TRIM24: variants seen among roughly 807,000 people sequenced by gnomAD.
TRIM24 encodes the protein transcription intermediary factor 1-alpha.
A neutral mutation model predicts 123.9 loss-of-function variants in TRIM24; 29 were observed. The observed-to-expected ratio is 0.23, with a 90% CI of 0.17 to 0.32. TRIM24 has a LOEUF of 0.32. TRIM24 is among the 10% of genes least tolerant of loss of function. The pLI is 1.00. For missense variants in TRIM24, 932 were observed against 1,295.3 expected (o/e 0.72, Z 4.31); for synonymous variants, 456 against 461.1 (o/e 0.99, Z 0.14).
intron 1 of TRIM24, among the ~76,000 whole-genome samples, chr7:138,503,625 G>GT (rs35048476): frequency 3.9e-3 from 531 of 135,676 alleles, no homozygotes; most frequent in East Asian, 0.024. Flanking sequence ...TTATATTAGA[G>GT]TTTTTTTTTT....
At chr7:138,516,527 G>T (rs558221042) in intron 3 of TRIM24, among the ~76,000 whole-genome samples, 1 of 152,170 alleles carries the variant, frequency 6.6e-6, no homozygotes, top group African/African-American at 2.4e-5. Flanking sequence ...GCTGAATTTT[G>T]TATTTTTAGT....
Position 138,585,059 on chromosome 7 carries a change from A to G in TRIM24, c.*108A>G, listed in dbSNP as rs1227245442. ...AAAAGAAGAGTTTGTGACTATTCTC[A>G]TCTCTGTTTTGGACGTTTACTAGAC... On this transcript the variant is annotated 3_prime_UTR_variant, in exon 19 of 19. Coordinates refer to ENST00000343526, the MANE Select transcript of TRIM24 (RefSeq NM_015905.3). The G allele has an allele frequency of 4.1e-6, 4 of 966,820 alleles. No individual in the cohort carries two copies. Among genetic ancestry groups the G allele is most frequent in the Non-Finnish European group, 4.5e-6 (3 of 668,084 alleles). The allele number at this position is 966,820 out of a possible 1,614,324, so 59.9% of individuals were successfully genotyped here. A position where few individuals can be genotyped will look rare whatever the true frequency, so the allele number is the denominator to read the frequency against.
At chr7:138,581,852 C>A in intron 17 of TRIM24, 81 bp downstream of exon 17, 1 of 1,083,158 alleles carries the variant, frequency 9.2e-7, no homozygotes, top group South Asian at 1.4e-5. Context: ...CTTATATTAC[C>A]ATTTTTCAGT....
At chr7:138,532,058 G>T (rs1286075814) in intron 6 of TRIM24, among the ~76,000 whole-genome samples, 2 of 151,814 alleles carry the variant, frequency 1.3e-5, no homozygotes, top group African/African-American at 4.8e-5. Context: ...TTTTTGATGG[G>T]GTTGTTTGTT....
chr7:138,477,983 T>G (rs1261979445), intron 1 of TRIM24, among the ~76,000 whole-genome samples: 1 of 152,228 alleles, frequency 6.6e-6, no homozygotes, highest in Non-Finnish European at 1.5e-5. Context: ...ACTAAGCAGA[T>G]TTTTAAAATG....
intron 9 of TRIM24, among the ~76,000 whole-genome samples, chr7:138,557,074 G>A (rs1797329552): frequency 6.6e-6 from 1 of 152,196 alleles, no homozygotes; most frequent in South Asian, 2.1e-4. Context: ...TGGAAATTGA[G>A]TAATGGTAAG....
At chr7:138,543,863 C>T (rs978460278) in intron 7 of TRIM24, among the ~76,000 whole-genome samples, 11 of 152,056 alleles carry the variant, frequency 7.2e-5, no homozygotes, top group Non-Finnish European at 1.6e-4. Context: ...GAAACAGGGT[C>T]TCCCTCTATC....
At chr7:138,539,088 A>G (rs1745862068) in intron 7 of TRIM24, among the ~76,000 whole-genome samples, 1 of 152,196 alleles carries the variant, frequency 6.6e-6, no homozygotes, top group African/African-American at 2.4e-5. Context: ...TTTTCTGATT[A>G]TCTATAGTGT....
Position 138,567,599 on chromosome 7 carries a change from C to T in TRIM24, c.1649C>T (p.Ala550Val). 1 of 1,613,768 alleles carries T rather than the reference C, an allele frequency of 6.2e-7. No homozygotes were observed. Among genetic ancestry groups the T allele is most frequent in the South Asian group, 1.1e-5 (1 of 91,044 alleles). The change falls in exon 10 of 19, where the codon GCA becomes GTA. Residue 550 changes from alanine (A) to valine (V), a missense_variant. By Grantham distance (64) the Ala-to-Val change is moderately conservative. Around this residue, in one of 7 missense-constraint regions of TRIM24, gnomAD observed 527 missense variants for 691.3 expected, o/e 0.76. Coordinates refer to ENST00000343526, the MANE Select transcript of TRIM24 (RefSeq NM_015905.3). ...CCAAACCAGAACATACCACGACAAG[C>T]AATAAAGCCAAACCCCCTACAGATG... Reference protein sequence around the residue: ...YPPNQNIPRQAIKPNPLQMAF... With the variant: ...YPPNQNIPRQVIKPNPLQMAF...
At chr7:138,520,242 G>A (rs1449804034) in intron 4 of TRIM24, among the ~76,000 whole-genome samples, 1 of 152,186 alleles carries the variant, frequency 6.6e-6, no homozygotes, top group Admixed American at 6.5e-5. Flanking sequence ...CTTGTCTTGA[G>A]TTGGGACCCT....
intron 9 of TRIM24, among the ~76,000 whole-genome samples, chr7:138,566,470 C>T (rs765881117): frequency 5.9e-5 from 9 of 151,978 alleles, no homozygotes; most frequent in South Asian, 2.1e-4. Context: ...GAGCCAAGAT[C>T]GGAACAAGAC....
At chr7:138,478,441 C>T (rs1037060971) in intron 1 of TRIM24, among the ~76,000 whole-genome samples, 19 of 152,228 alleles carry the variant, frequency 1.2e-4, no homozygotes, top group African/African-American at 4.3e-4. Context: ...TAATTCAAGA[C>T]CAGCCTGAGC....
At chr7:138,530,591 C>T (rs908298524) in intron 6 of TRIM24, among the ~76,000 whole-genome samples, 2 of 151,938 alleles carry the variant, frequency 1.3e-5, no homozygotes, top group African/African-American at 2.4e-5. Context: ...TGCAGCCTCT[C>T]GAGTAATTAG....
Position 138,580,602 on chromosome 7 carries a change from C to T in TRIM24, c.2626C>T (p.Pro876Ser). The stretch of plus-strand genomic sequence containing the variant: ...CACTTTCTGCCGAGACTTATCTAAA[C>T]CAGAAGTTGAATATGATTGTGATGC... Reference protein sequence around the residue: ...ICTFCRDLSKPEVEYDCDAPS... With the variant: ...ICTFCRDLSKSEVEYDCDAPS... The change falls in exon 16 of 19, where the codon CCA becomes TCA. Residue 876 changes from proline to serine, a missense_variant. Physicochemically the swap from Pro to Ser is moderately conservative, Grantham distance 74 (BLOSUM62 -1). Around this residue, in one of 7 missense-constraint regions of TRIM24, gnomAD observed 45 missense variants for 56.6 expected, o/e 0.80. Transcript: ENST00000343526. 6.2e-7 allele frequency: 1 copy of T among 1,613,352 alleles called. No individual in the cohort carries two copies.
intron 17 of TRIM24, among the ~76,000 whole-genome samples, chr7:138,582,435 G>A (rs10236035): frequency 0.43 from 64,889 of 151,520 alleles, 14,683 homozygotes; most frequent in Middle Eastern, 0.48. Context: ...CCAGCTACTC[G>A]GGAGGCTGAG....
chr7:138,554,640 G>A lies in TRIM24; in HGVS notation c.1262-58G>A, dbSNP rs1446968086. On this transcript the variant is annotated intron_variant, in intron 8 of 18. Coordinates refer to ENST00000343526, the MANE Select transcript of TRIM24 (RefSeq NM_015905.3). The surrounding 1 kb of genome is among the most constrained non-coding windows in gnomAD (Gnocchi z 4.5). ...TTCTGCAAAAATAGCTTTAGAAAAT[G>A]TGATATTTCACCAACTATCTGAAAA... The A allele has an allele frequency of 1.3e-6, 2 of 1,551,126 alleles. No individual in the cohort carries two copies. Among genetic ancestry groups the A allele is most frequent in the Non-Finnish European group, 1.8e-6 (2 of 1,142,294 alleles).
chr7:138,576,061 G>A (rs1202813063), intron 12 of TRIM24, among the ~76,000 whole-genome samples: 2 of 152,284 alleles, frequency 1.3e-5, no homozygotes, highest in African/African-American at 2.4e-5. Context: ...CCCAAGCTGG[G>A]AAGTATAGAG....
At chr7:138,465,000 T>G (rs1795104093) in intron 1 of TRIM24, among the ~76,000 whole-genome samples, 1 of 152,246 alleles carries the variant, frequency 6.6e-6, no homozygotes, top group African/African-American at 2.4e-5. Flanking sequence ...TTTGTCATCC[T>G]AAATGAATTT....
intron 1 of TRIM24, chr7:138,490,922 C>T (rs556768816): frequency 1.3e-4 from 49 of 382,918 alleles, no homozygotes; most frequent in African/African-American, 1.0e-3. Flanking sequence ...TCTTCCGTAT[C>T]TGATTGTTGG....
Sources: gnomAD v4.1 joint callset for allele counts (sites outside exome capture counted in the v4.1 genomes callset) on GRCh38, gnomAD v4.1.1 for gene constraint, gnomAD v4.1.1 regional missense constraint, Gnocchi (gnomAD v3.1) non-coding constraint, MANE v1.5 for transcripts, NCBI Gene and HGNC (gene_info 2026-07-23, HGNC 2026-07-21) for gene names.